Variants in DPP6 observed in about 807,000 individuals in gnomAD.
DPP6 encodes the protein A-type potassium channel modulatory protein DPP6.
DPP6 carries 69 observed loss-of-function variants against 122.6 expected under a neutral mutation model. The observed-to-expected ratio is 0.56, with a 90% CI of 0.46 to 0.69. The LOEUF (loss-of-function observed/expected upper bound fraction) is 0.69. DPP6 is among the 30% of genes least tolerant of loss of function. The probability of loss-of-function intolerance (pLI) is 0.00; values close to 1 mark genes in which losing one functional copy is unlikely to be tolerated. For synonymous variants in DPP6, 418 were observed against 433.1 expected, an observed-to-expected ratio of 0.97 and a Z score of 0.43; for missense variants, 928 against 1,116.9, an observed-to-expected ratio of 0.83 and a Z score of 2.41.
intron 7 of DPP6, among the ~76,000 whole-genome samples, chr7:154,677,961 A>C (rs975580562): frequency 1.3e-5 from 2 of 152,230 alleles, no homozygotes; most frequent in Non-Finnish European, 2.9e-5. Flanking sequence ...AAAGGCACCA[A>C]TCAGAGCTCT....
At chr7:154,108,853 C>A (rs1037880780) in intron 1 of DPP6, among the ~76,000 whole-genome samples, 1 of 152,232 alleles carries the variant, frequency 6.6e-6, no homozygotes, top group Non-Finnish European at 1.5e-5. Context: ...CTTACCTATA[C>A]AAACCAGCTA....
intron 1 of DPP6, among the ~76,000 whole-genome samples, chr7:154,065,037 A>G (rs1194406822): frequency 6.6e-6 from 1 of 152,128 alleles, no homozygotes; most frequent in Non-Finnish European, 1.5e-5. Flanking sequence ...TGTCACCTCC[A>G]AAGCAGCAAC....
the DPP6 span, among the ~76,000 whole-genome samples, chr7:153,782,555 G>A: frequency 3.9e-5 from 6 of 152,182 alleles, no homozygotes; most frequent in Admixed American, 3.9e-4. Flanking sequence ...GGCCCTTTCT[G>A]TGTAGGTTGT....
intron 1 of DPP6, among the ~76,000 whole-genome samples, chr7:154,064,681 C>T (rs541849096): frequency 2.0e-5 from 3 of 152,240 alleles, no homozygotes; most frequent in South Asian, 2.1e-4. Context: ...TAATCTCAAG[C>T]AGATAGCAAA....
chr7:154,294,201 G>T (rs1425297740), intron 1 of DPP6, among the ~76,000 whole-genome samples: 2 of 152,152 alleles, frequency 1.3e-5, no homozygotes, highest in Non-Finnish European at 2.9e-5. Context: ...GGTCAGTGAT[G>T]CTCTAAGGTA....
intron 1 of DPP6, among the ~76,000 whole-genome samples, chr7:153,996,963 T>C (rs1797466985): frequency 1.3e-5 from 2 of 152,090 alleles, no homozygotes; most frequent in Admixed American, 1.3e-4. Flanking sequence ...GTCACTAAAA[T>C]AAATGACAAG....
At chr7:154,646,629 G>A (rs1053986115) in intron 6 of DPP6, among the ~76,000 whole-genome samples, 8 of 152,096 alleles carry the variant, frequency 5.3e-5, no homozygotes, top group African/African-American at 1.9e-4. Flanking sequence ...TTTCTAAAGG[G>A]GATATTTAGG....
intron 8 of DPP6, among the ~76,000 whole-genome samples, chr7:154,758,826 C>G (rs184307585): frequency 9.1e-4 from 139 of 152,292 alleles, no homozygotes; most frequent in African/African-American, 3.3e-3. Context: ...CCTAAGCCAA[C>G]CCCTCATTTT....
chr7:154,682,708 C>T lies in DPP6; in HGVS notation c.762+13267C>T, dbSNP rs150322792. Among the ~76,000 whole-genome samples the T allele has an allele frequency of 5.9e-5, 9 of 152,316 alleles. No individual in the cohort carries two copies. The East Asian group carries it at 1.5e-3, about 26-fold the overall frequency. On this transcript the variant is annotated intron_variant, in intron 7 of 25. Transcript: ENST00000377770. ...TAGACTTCACAGGGCTCCTCCTTTGCAGAATTTTGTTAGCCCTGATTGATT... is the reference window on the plus strand; with the variant it reads ...TAGACTTCACAGGGCTCCTCCTTTGTAGAATTTTGTTAGCCCTGATTGATT...
chr7:153,843,134 GCATA>G, the DPP6 span, among the ~76,000 whole-genome samples: 3 of 150,142 alleles, frequency 2.0e-5, no homozygotes, highest in African/African-American at 2.5e-5. Flanking sequence ...ATACACACTT[GCATA>G]CAGACACGTG....
intron 1 of DPP6, among the ~76,000 whole-genome samples, chr7:154,158,470 A>T (rs1019300021): frequency 6.6e-5 from 2 of 30,458 alleles, no homozygotes; most frequent in Non-Finnish European, 1.6e-4. Flanking sequence ...TCCTTTTTTT[A>T]AAAAAAAAAT....
At chr7:153,965,007 CCTTCCTT>C (rs2129030362) in intron 1 of DPP6, among the ~76,000 whole-genome samples, 1 of 136,318 alleles carries the variant, frequency 7.3e-6, no homozygotes, top group Admixed American at 7.9e-5. Context: ...TTTCTTCCTT[CCTTCCTT>C]CCTTCCTTCC....
At chr7:154,405,713 C>T (rs747669664) in intron 1 of DPP6, among the ~76,000 whole-genome samples, 2 of 152,128 alleles carry the variant, frequency 1.3e-5, no homozygotes, top group African/African-American at 2.4e-5. Context: ...GGAAGGCCCC[C>T]GGCAGGCAGG....
chr7:154,806,912 A>G, intron 15 of DPP6, 82 bp from the exon 16 acceptor site: 1 of 1,557,000 alleles, frequency 6.4e-7, no homozygotes, highest in Non-Finnish European at 8.7e-7. Context: ...CCTCATGGGG[A>G]GAGCCCACCA....
chr7:154,330,807 G>C (rs928753804), intron 1 of DPP6, among the ~76,000 whole-genome samples: 8 of 152,180 alleles, frequency 5.3e-5, no homozygotes, highest in Admixed American at 5.2e-4. Context: ...AGTGCTCTGT[G>C]TGAAGTTGGA....
In DPP6 at chr7:154,847,454, T is replaced by G. The variant is rs200065079; in HGVS notation, c.1667-6326T>G. Among the ~76,000 whole-genome samples the G allele has an allele frequency of 2.8e-3, 432 of 152,244 alleles. 5 individuals carry two copies. Among genetic ancestry groups the G allele is most frequent in the African/African-American group, 9.7e-3 (403 of 41,554 alleles). On this transcript the variant is annotated intron_variant, in intron 16 of 25. Transcript: ENST00000377770. ...ATCGTAGCTATTTGTTATGTCTTGT[T>G]TTTTTTTGTACTCAACACTACTTAT...
At chr7:154,453,139 C>T (rs749876060) in intron 2 of DPP6, among the ~76,000 whole-genome samples, 7 of 152,114 alleles carry the variant, frequency 4.6e-5, no homozygotes, top group South Asian at 2.1e-4. Flanking sequence ...ACGTGGGGGT[C>T]GGAAACTCCA....
chr7:153,828,910 G>T, the DPP6 span, among the ~76,000 whole-genome samples: 1 of 152,210 alleles, frequency 6.6e-6, no homozygotes, highest in African/African-American at 2.4e-5. Context: ...CAGAAGTCTG[G>T]ATGGGGAAAT....
At chr7:154,422,868 C>T (rs1817593012) in intron 1 of DPP6, among the ~76,000 whole-genome samples, 1 of 152,158 alleles carries the variant, frequency 6.6e-6, no homozygotes, top group African/African-American at 2.4e-5. Context: ...AGAGCAGGGT[C>T]TCCCAGCTGG....
Sources: gnomAD v4.1 joint callset for allele counts (sites outside exome capture counted in the v4.1 genomes callset) on GRCh38, gnomAD v4.1.1 for gene constraint, MANE v1.5 for transcripts, NCBI Gene and HGNC (gene_info 2026-07-23, HGNC 2026-07-21) for gene names.